HMGCLL1: variants seen among roughly 807,000 people sequenced by gnomAD.
The protein encoded by HMGCLL1 is 3-hydroxy-3-methylglutaryl-CoA lyase like 1.
Under a neutral mutation model 39.1 loss-of-function variants are expected in HMGCLL1, and 36 were observed. That is an observed-to-expected ratio of 0.92 (90% CI 0.71 to 1.22). The LOEUF (loss-of-function observed/expected upper bound fraction) is 1.22. Among genes scored for constraint, HMGCLL1 ranks in the 50% most tolerant of loss-of-function variants. The probability of loss-of-function intolerance (pLI) is 0.00; values close to 1 mark genes in which losing one functional copy is unlikely to be tolerated. For missense variants in HMGCLL1, 451 were observed against 416.5 expected (o/e 1.08, Z -0.72); for synonymous variants, 149 against 144.0 (o/e 1.03, Z -0.25).
the HMGCLL1 span, among the ~76,000 whole-genome samples, chr6:55,655,923 G>C: frequency 6.6e-6 from 1 of 151,772 alleles, no homozygotes; most frequent in Non-Finnish European, 1.5e-5. Flanking sequence ...GTTACACATT[G>C]GTCATCCCTT....
Position 55,516,516 on chromosome 6 carries a change from G to A in HMGCLL1, c.385C>T (p.His129Tyr). 2 of 1,591,614 alleles carry A rather than the reference G, an allele frequency of 1.3e-6. No homozygotes were observed. The highest frequency in any genetic ancestry group is 2.2e-5 in the East Asian group (1 of 44,660). ...ATTAGTAGCACACTTACAGCATGGT[G>A]AAAACCCTGAAGATTAGGAGTAAGG... ...PVLTPNLQGF[H>Y]HAVAAGATEI... Residue 129 changes from histidine (H) to tyrosine (Y), a missense_variant, in exon 4 of 9, where the codon CAC (histidine) becomes TAC (tyrosine). His to Tyr is a moderately conservative substitution (Grantham distance 83). Coordinates refer to ENST00000274901, the MANE Select transcript of HMGCLL1 (RefSeq NM_001042406.2).
At chr6:55,621,724 A>C in the HMGCLL1 span, among the ~76,000 whole-genome samples, 1 of 152,072 alleles carries the variant, frequency 6.6e-6, no homozygotes, top group East Asian at 1.9e-4. Flanking sequence ...AATAAAGTAC[A>C]CAATAAATGT....
chr6:55,526,646 A>T (rs1233041957), intron 3 of HMGCLL1, among the ~76,000 whole-genome samples: 1 of 151,890 alleles, frequency 6.6e-6, no homozygotes, highest in East Asian at 1.9e-4. Flanking sequence ...CTACTATTTT[A>T]TTGTTAATAA....
chr6:55,562,644 A>C (rs1372721755), intron 1 of HMGCLL1, among the ~76,000 whole-genome samples: 2 of 152,154 alleles, frequency 1.3e-5, no homozygotes, highest in Non-Finnish European at 2.9e-5. Flanking sequence ...AAATTTAGAA[A>C]CTTAAAATGG....
the HMGCLL1 span, among the ~76,000 whole-genome samples, chr6:55,649,371 A>G: frequency 6.8e-6 from 1 of 147,722 alleles, no homozygotes. Flanking sequence ...TATAGGGTAA[A>G]AGGTTTTTTT....
chr6:55,439,920 C>T (rs1242434908), intron 7 of HMGCLL1, among the ~76,000 whole-genome samples: 1 of 152,136 alleles, frequency 6.6e-6, no homozygotes, highest in South Asian at 2.1e-4. Flanking sequence ...ATTCTAAAAG[C>T]ATTTTATAAG....
chr6:55,673,697 T>C, the HMGCLL1 span, among the ~76,000 whole-genome samples: 4 of 152,072 alleles, frequency 2.6e-5, no homozygotes, highest in East Asian at 7.7e-4. Context: ...GTGATGCCCC[T>C]TAAGGGATGA....
intron 7 of HMGCLL1, among the ~76,000 whole-genome samples, chr6:55,494,952 C>T (rs150130329): frequency 6.6e-6 from 1 of 152,158 alleles, no homozygotes; most frequent in East Asian, 1.9e-4. Context: ...GCTTGCCAAC[C>T]TCAAGAAAAC....
the HMGCLL1 span, among the ~76,000 whole-genome samples, chr6:55,599,115 G>T: frequency 1.3e-5 from 2 of 152,080 alleles, no homozygotes; most frequent in Non-Finnish European, 2.9e-5. Flanking sequence ...GCCTGTCGGG[G>T]GTTGCGGGGC....
the HMGCLL1 span, among the ~76,000 whole-genome samples, chr6:55,600,831 A>C: frequency 2.0e-5 from 3 of 152,276 alleles, no homozygotes; most frequent in Middle Eastern, 3.4e-3. Context: ...TAACAAAATA[A>C]GTTAGATTTA....
chr6:55,542,714 G>A (rs903687009), intron 1 of HMGCLL1, among the ~76,000 whole-genome samples: 11 of 150,452 alleles, frequency 7.3e-5, no homozygotes, highest in Admixed American at 2.7e-4. Flanking sequence ...AGGAGGCGGA[G>A]GTTGCAGTGA....
Position 55,479,096 on chromosome 6 carries a change from A to G in HMGCLL1, c.795+16323T>C, listed in dbSNP as rs554948424. Among the ~76,000 whole-genome samples, 125 of 151,510 alleles carry G rather than the reference A, an allele frequency of 8.3e-4. 1 individual carries two copies. The highest frequency in any genetic ancestry group is 1.2e-3 in the Non-Finnish European group (79 of 67,976). On this transcript the variant is annotated intron_variant, in intron 7 of 8. Coordinates refer to ENST00000274901, the MANE Select transcript of HMGCLL1 (RefSeq NM_001042406.2). The stretch of plus-strand genomic sequence containing the variant: ...TTTAAGCTGAAAGAAATCTCTCATC[A>G]CCTAGTTGACACTTGCGTTTTGCAG...
chr6:55,633,491 T>C, the HMGCLL1 span, among the ~76,000 whole-genome samples: 1 of 151,362 alleles, frequency 6.6e-6, no homozygotes, highest in African/African-American at 2.4e-5. Flanking sequence ...AAAAACAATC[T>C]AATTCAAGCA....
intron 1 of HMGCLL1, chr6:55,577,201 G>A: frequency 6.4e-7 from 1 of 1,550,840 alleles, no homozygotes. Flanking sequence ...CCAAGTGTCA[G>A]ATGTTAGTGC....
At chr6:55,569,176 G>A (rs1217431160) in intron 1 of HMGCLL1, among the ~76,000 whole-genome samples, 1 of 152,112 alleles carries the variant, frequency 6.6e-6, no homozygotes, top group Non-Finnish European at 1.5e-5. Flanking sequence ...TTCTATTCCA[G>A]GCAGAACTCT....
the HMGCLL1 span, among the ~76,000 whole-genome samples, chr6:55,608,648 A>G: frequency 1.3e-5 from 2 of 152,210 alleles, no homozygotes; most frequent in South Asian, 4.1e-4. Flanking sequence ...AATTAAGAAA[A>G]AAGAACTATT....
At position 55,468,135 on chromosome 6, in the gene HMGCLL1, C is replaced by A. The variant is rs148942035; in HGVS notation, c.795+27284G>T. On this transcript the variant is annotated intron_variant, in intron 7 of 8. Coordinates refer to ENST00000274901, the MANE Select transcript of HMGCLL1 (RefSeq NM_001042406.2). ...CTAACAAGGGTTGGGATCTCTTTTG[C>A]AGACTCGATATTAAGGTTGCAATGA... is the stretch of plus-strand genomic sequence containing the variant. 8.0e-3 allele frequency among the ~76,000 whole-genome samples: 1,221 copies of A among 152,054 alleles called. 13 individuals carry two copies. The highest frequency in any genetic ancestry group is 0.028 in the African/African-American group (1,153 of 41,502).
chr6:55,670,808 A>G, the HMGCLL1 span, among the ~76,000 whole-genome samples: 5 of 151,884 alleles, frequency 3.3e-5, no homozygotes, highest in Non-Finnish European at 7.4e-5. Context: ...ATAAACAAAT[A>G]ATTGCATTGT....
intron 7 of HMGCLL1, among the ~76,000 whole-genome samples, chr6:55,472,555 T>C (rs1765094485): frequency 6.6e-6 from 1 of 151,552 alleles, no homozygotes; most frequent in Admixed American, 6.6e-5. Context: ...TCAAAATATC[T>C]TTTCCCACAT....
Sources: gnomAD v4.1 joint callset for allele counts (sites outside exome capture counted in the v4.1 genomes callset) on GRCh38, gnomAD v4.1.1 for gene constraint, MANE v1.5 for transcripts, NCBI Gene and HGNC (gene_info 2026-07-23, HGNC 2026-07-21) for gene names.